C12orf42: variants seen among roughly 807,000 people sequenced by gnomAD.
The protein encoded by C12orf42 is uncharacterized protein C12orf42.
In C12orf42, 25 loss-of-function variants were observed where a neutral mutation model predicts 21.6. The ratio of observed to expected loss-of-function variants is 1.16; its 90% CI spans 0.84 to 1.62. The LOEUF (loss-of-function observed/expected upper bound fraction) is 1.62, where lower values mean the gene tolerates loss of function less well. Ranked by LOEUF, C12orf42 falls within the 40% of genes most tolerant of loss-of-function variation. The probability of loss-of-function intolerance (pLI) is 0.00; values close to 1 mark genes in which losing one functional copy is unlikely to be tolerated. For synonymous variants in C12orf42, 174 were observed against 175.0 expected (o/e 0.99, Z 0.05); for missense variants, 483 against 459.3 (o/e 1.05, Z -0.47).
chr12:103,362,388 A>G (rs1251843832), intron 4 of C12orf42, among the ~76,000 whole-genome samples: 2 of 152,144 alleles, frequency 1.3e-5, no homozygotes, highest in African/African-American at 4.8e-5. Flanking sequence ...TCCCTCTGAC[A>G]TAGCCTACCC....
the C12orf42 span, among the ~76,000 whole-genome samples, chr12:103,175,254 A>C: frequency 2.6e-5 from 4 of 152,270 alleles, no homozygotes; most frequent in Non-Finnish European, 5.9e-5. Context: ...TTCTATATAT[A>C]ATCTCTAAAA....
chr12:103,315,583 A>G (rs544903661), intron 4 of C12orf42, among the ~76,000 whole-genome samples: 1 of 152,296 alleles, frequency 6.6e-6, no homozygotes, highest in South Asian at 2.1e-4. Context: ...AAGGTGCAGC[A>G]TATACATAAT....
chr12:103,306,074 T>G lies in C12orf42; in HGVS notation c.531A>C (p.Ala177=), dbSNP rs779221742. The G allele has an allele frequency of 9.9e-6, 16 of 1,613,872 alleles. No individual in the cohort carries two copies. Among genetic ancestry groups the G allele is most frequent in the Non-Finnish European group, 1.3e-5 (15 of 1,179,866 alleles). The change falls in exon 5 of 6, where the codon GCA becomes GCC. Residue 177 remains alanine (A), a synonymous_variant. Coordinates refer to ENST00000548883, the MANE Select transcript of C12orf42 (RefSeq NM_198521.5). The stretch of plus-strand genomic sequence containing the variant: ...CCAGGTGAACAGGATTTACTGAGTG[T>G]GCCCAGTTAGGCTTTTTAACCAGTT... ...LEQLVKKPNW[A]HSVNPVHLEA...
chr12:103,058,720 C>T, the C12orf42 span, among the ~76,000 whole-genome samples: 1 of 152,152 alleles, frequency 6.6e-6, no homozygotes, highest in Non-Finnish European at 1.5e-5. Context: ...CAACCTGCTC[C>T]TGAATGACTA....
chr12:103,410,674 G>A (rs1239926928), intron 2 of C12orf42, among the ~76,000 whole-genome samples: 2 of 152,196 alleles, frequency 1.3e-5, no homozygotes, highest in African/African-American at 4.8e-5. Flanking sequence ...CTTTATTCCA[G>A]CAAGAATAGC....
intron 3 of C12orf42, among the ~76,000 whole-genome samples, chr12:103,393,144 T>A (rs1427363499): frequency 6.6e-6 from 1 of 152,168 alleles, no homozygotes; most frequent in African/African-American, 2.4e-5. Flanking sequence ...AAGAAATACC[T>A]GAGACCGGGT....
At chr12:103,548,290 C>A in the C12orf42 span, among the ~76,000 whole-genome samples, 1 of 152,134 alleles carries the variant, frequency 6.6e-6, no homozygotes, top group Non-Finnish European at 1.5e-5. Context: ...AAAGAAAATG[C>A]GGACTGAAGA....
chr12:103,276,479 G>A (rs567063163), intron 5 of C12orf42, among the ~76,000 whole-genome samples: 22 of 152,214 alleles, frequency 1.4e-4, no homozygotes, highest in Middle Eastern at 6.8e-3. Context: ...CCCATTGTTC[G>A]CAAGTGTGAC....
intron 1 of C12orf42, among the ~76,000 whole-genome samples, chr12:103,480,054 A>T (rs947510791): frequency 6.6e-6 from 1 of 151,874 alleles, no homozygotes; most frequent in Non-Finnish European, 1.5e-5. Context: ...ATTGGTAAAA[A>T]TCTCCTTATT....
chr12:103,125,207 A>G, the C12orf42 span, among the ~76,000 whole-genome samples: 1 of 152,336 alleles, frequency 6.6e-6, no homozygotes, highest in South Asian at 2.1e-4. Flanking sequence ...AGTTCACTGT[A>G]AGTTAGTAGC....
chr12:103,342,237 C>T (rs1448527357), intron 4 of C12orf42, among the ~76,000 whole-genome samples: 1 of 152,140 alleles, frequency 6.6e-6, no homozygotes. Flanking sequence ...GGCTCCTCAA[C>T]CTTTTAACAA....
chr12:103,100,371 G>A, the C12orf42 span, among the ~76,000 whole-genome samples: 3 of 152,196 alleles, frequency 2.0e-5, no homozygotes, highest in East Asian at 3.9e-4. Flanking sequence ...GCAGGATGGC[G>A]GGCTCCTGCC....
chr12:103,156,269 G>A, the C12orf42 span: 1 of 151,966 alleles, frequency 6.6e-6, no homozygotes, highest in South Asian at 2.1e-4. Context: ...TTATTTAAAG[G>A]CGAAAACAGA....
chr12:103,273,330 A>G (rs965483800), intron 5 of C12orf42, among the ~76,000 whole-genome samples: 1 of 152,352 alleles, frequency 6.6e-6, no homozygotes, highest in Middle Eastern at 3.4e-3. Context: ...AATCCTAAGA[A>G]TGTCTTGAGC....
At chr12:103,189,127 A>T in the C12orf42 span, among the ~76,000 whole-genome samples, 4 of 152,230 alleles carry the variant, frequency 2.6e-5, no homozygotes, top group African/African-American at 9.6e-5. Flanking sequence ...AATTAAAAAC[A>T]TGAGACAAAA....
At position 103,306,153 on chromosome 12, in the gene C12orf42, T is replaced by C. The variant is rs1292777258; in HGVS notation, c.452A>G (p.Glu151Gly). The C allele has an allele frequency of 6.2e-7, 1 of 1,613,934 alleles. No individual in the cohort carries two copies. Among genetic ancestry groups the C allele is most frequent in the Non-Finnish European group, 8.5e-7 (1 of 1,179,870 alleles). Reference sequence around the variant, plus strand: ...CTTGGGTGCTCCTCTGGCTCTCTCCTCAGTTTCTCCTCTGGCAGTAAAAAT... The same window carrying C: ...CTTGGGTGCTCCTCTGGCTCTCTCCCCAGTTTCTCCTCTGGCAGTAAAAAT... ...PLIFTARGET[E>G]ERARGAPKQA... The change falls in exon 5 of 6, where the codon GAG (glutamate) becomes GGG (glycine). Residue 151 changes from glutamate (E) to glycine (G), a missense_variant. Transcript: ENST00000548883.
chr12:103,469,809 GC>G (rs1177754606), intron 2 of C12orf42, among the ~76,000 whole-genome samples: 1 of 152,280 alleles, frequency 6.6e-6, no homozygotes, highest in East Asian at 1.9e-4. Context: ...GGTAGGAGAG[GC>G]CTTTATTAAT....
the C12orf42 span, among the ~76,000 whole-genome samples, chr12:103,125,896 G>A: frequency 9.9e-5 from 15 of 152,170 alleles, no homozygotes; most frequent in Non-Finnish European, 1.9e-4. Context: ...CCATTGGAAG[G>A]AGACATTGTC....
At chr12:103,388,701 A>G (rs1427531246) in intron 3 of C12orf42, among the ~76,000 whole-genome samples, 1 of 152,062 alleles carries the variant, frequency 6.6e-6, no homozygotes, top group African/African-American at 2.4e-5. Flanking sequence ...CCAAACTCCA[A>G]ATGGAAATGA....
Sources: gnomAD v4.1 joint callset for allele counts (sites outside exome capture counted in the v4.1 genomes callset) on GRCh38, gnomAD v4.1.1 for gene constraint, MANE v1.5 for transcripts, NCBI Gene and HGNC (gene_info 2026-07-23, HGNC 2026-07-21) for gene names.